Variants in TH observed in about 807,000 individuals in gnomAD.
TH encodes the protein tyrosine 3-monooxygenase.
In TH, 49 loss-of-function variants were observed where a neutral mutation model predicts 57.4. The ratio of observed to expected loss-of-function variants is 0.85; its 90% CI spans 0.68 to 1.08. The LOEUF (loss-of-function observed/expected upper bound fraction) is 1.08, where lower values mean the gene tolerates loss of function less well. Ranked by LOEUF, TH falls within the 50% of genes least tolerant of loss-of-function variation. The probability of loss-of-function intolerance (pLI) is 0.00; values close to 1 mark genes in which losing one functional copy is unlikely to be tolerated. For synonymous variants in TH, 330 were observed against 304.5 expected, an observed-to-expected ratio of 1.08 and a Z score of -0.87; for missense variants, 720 against 696.7, an observed-to-expected ratio of 1.03 and a Z score of -0.38.
rs1564917127 is a variant in TH at position 2,166,033 on chromosome 11, G to A, written c.1073C>T (p.Ala358Val). Reference protein sequence around the residue: ...SQDIGLASLGASDEEIEKLST... With the variant: ...SQDIGLASLGVSDEEIEKLST... ...CAGCTTCTCAATTTCCTCATCCGAG[G>A]CCCCCAGGGACGCCAGGCCAATGTC... The change falls in exon 10 of 13, where the codon GCC becomes GTC. Residue 358 changes from alanine (A) to valine (V), a missense_variant. By Grantham distance (64) the Ala-to-Val change is moderately conservative (BLOSUM62 0). Coordinates refer to ENST00000352909, the MANE Select transcript of TH (RefSeq NM_000360.4). 6.4e-7 allele frequency: 1 copy of A among 1,559,930 alleles called. No individual in the cohort carries two copies. The highest frequency in any genetic ancestry group is 8.7e-7 in the Non-Finnish European group (1 of 1,151,956).
At position 2,168,274 on chromosome 11, in the gene TH, G is replaced by A. The variant is rs554754499; in HGVS notation, c.488-95C>T. ...CAGCCTCCCCTACAAGACTTCCGGG[G>A]GGCAGAGGCAGCCGGGGCTGTGAGA... is the stretch of plus-strand genomic sequence containing the variant. On this transcript the variant is annotated intron_variant, in intron 3 of 12. Coordinates refer to ENST00000352909, the MANE Select transcript of TH (RefSeq NM_000360.4). 16 of 1,446,822 alleles carry A rather than the reference G, an allele frequency of 1.1e-5. No individual in the cohort carries two copies. The African/African-American group carries it at 1.8e-4, about 16-fold the overall frequency. 89.6% of individuals were successfully genotyped at this position (1,446,822 alleles called of 1,614,324 possible). A position where few individuals can be genotyped will look rare whatever the true frequency, so the allele number is the denominator to read the frequency against.
At chr11:2,165,960 C>G (rs1283322503) in intron 10 of TH, 42 bp downstream of exon 10, 1 of 1,551,124 alleles carries the variant, frequency 6.4e-7, no homozygotes, top group Non-Finnish European at 8.7e-7. Context: ...ATTCAGACCC[C>G]CAAACCCACA....
intron 3 of TH, 57 bp downstream of exon 3, chr11:2,168,434 T>G (rs992555230): frequency 6.2e-7 from 1 of 1,604,858 alleles, no homozygotes. Context: ...CAGGAGCCCC[T>G]GCACCCCAGC....
chr11:2,171,688 C>A lies in TH; in HGVS notation c.90+9G>T, dbSNP rs545162984. ...ACTGCGGCCGCCGGGCACCTACCTG[C>A]CCTCTTACCATGATGGCCTCTGCCT... On this transcript the variant is annotated intron_variant, in intron 1 of 12. Coordinates refer to ENST00000352909, the MANE Select transcript of TH (RefSeq NM_000360.4). The surrounding 1 kb of genome is among the most constrained non-coding windows in gnomAD (Gnocchi z 8.6). 1.2e-6 allele frequency: 2 copies of A among 1,611,454 alleles called. No homozygotes were observed. The highest frequency in any genetic ancestry group is 2.2e-5 in the South Asian group (2 of 91,050).
In TH at chr11:2,164,338, C is replaced by T. The variant is rs370029424; in HGVS notation, c.1389G>A (p.Thr463=). ...GGCTGTCCAGCACGTCGATGGCCAG[C>T]GTGTACGGGTCGAACTTCACGGAGA... The part of the protein sequence containing the change: ...RPFSVKFDPY[T]LAIDVLDSPQ... The change falls in exon 13 of 13, where the codon ACG becomes ACA. Residue 463 remains threonine, a synonymous_variant. Coordinates refer to ENST00000352909, the MANE Select transcript of TH (RefSeq NM_000360.4). The T allele has an allele frequency of 4.0e-5, 61 of 1,541,836 alleles. No homozygotes were observed. The highest frequency in any genetic ancestry group is 9.8e-5 in the African/African-American group (7 of 71,714).
At position 2,165,718 on chromosome 11, in the gene TH, C is replaced by A; in HGVS notation, c.1150G>T (p.Glu384Ter). 1 of 1,612,814 alleles carries A rather than the reference C, an allele frequency of 6.2e-7. No homozygotes were observed. Among genetic ancestry groups the A allele is most frequent in the Non-Finnish European group, 8.5e-7 (1 of 1,179,966 alleles). The change falls in exon 11 of 13, where the codon GAG becomes TAG. Residue 384 changes from glutamate (E) to a stop codon, truncating the protein, a stop_gained. Coordinates refer to ENST00000352909, the MANE Select transcript of TH (RefSeq NM_000360.4). LOFTEE classifies it high-confidence loss of function. ...VEFGLCKQNG[E>*]VKAYGAGLLS... ...AGCCCGGCACCATAGGCCTTCACCT[C>A]CCCGTTCTGCTTACACAGCCCGAAC... is the stretch of plus-strand genomic sequence containing the variant.
Position 2,165,910 on chromosome 11 carries a change from G to A in TH, c.1104+92C>T, listed in dbSNP as rs1303666677. The stretch of plus-strand genomic sequence containing the variant: ...TGAGGGTCACAATTCGTGGGTGGAA[G>A]GAGAGGCCTCAGCCTGGACGGCAAG... On this transcript the variant is annotated intron_variant, in intron 10 of 12. Transcript: ENST00000352909. 50 of 1,505,964 alleles carry A rather than the reference G, an allele frequency of 3.3e-5. No individual in the cohort carries two copies. In the Middle Eastern group the frequency reaches 5.0e-4, roughly 15 times the overall value. The allele number at this position is 1,505,964 out of a possible 1,614,324, so 93.3% of individuals were successfully genotyped here. A position where few individuals can be genotyped will look rare whatever the true frequency, so the allele number is the denominator to read the frequency against.
rs1396669179 is a variant in TH at position 2,170,092 on chromosome 11, T to C, written c.91-221A>G. Among the ~76,000 whole-genome samples, 3 of 151,950 alleles carry C rather than the reference T, an allele frequency of 2.0e-5. No homozygotes were observed. The highest frequency in any genetic ancestry group is 2.9e-5 in the Non-Finnish European group (2 of 67,948). On this transcript the variant is annotated intron_variant, in intron 1 of 12. Coordinates refer to ENST00000352909, the MANE Select transcript of TH (RefSeq NM_000360.4). The surrounding 1 kb of genome is among the most constrained non-coding windows in gnomAD (Gnocchi z 6.0). ...ATGGGGGCAGCCCAGTCAGAAGCAG[T>C]GGTGGTGGGGGAGGAGTGGGGGCTG...
At position 2,169,769 on chromosome 11, in the gene TH, C is replaced by G. The variant is rs780478399; in HGVS notation, c.193G>C (p.Gly65Arg). The G allele has an allele frequency of 1.2e-6, 2 of 1,611,928 alleles. No individual in the cohort carries two copies. The highest frequency in any genetic ancestry group is 1.1e-5 in the South Asian group (1 of 91,054). The stretch of plus-strand genomic sequence containing the variant: ...AAGGCCACAGCCTCCAGGGGGTCCC[C>G]GGGCTCCGAGGGGACTGCAGCGGCC... ...AAAAAVPSEPGDPLEAVAFEE... is the reference protein window; with the variant it reads ...AAAAAVPSEPRDPLEAVAFEE... Residue 65 changes from glycine to arginine, a missense_variant, in exon 2 of 13, where the codon GGG becomes CGG. Coordinates refer to ENST00000352909, the MANE Select transcript of TH (RefSeq NM_000360.4).
chr11:2,166,137 A>T (rs1430979803), intron 9 of TH, 79 bp from the exon 10 acceptor site: 1 of 1,464,472 alleles, frequency 6.8e-7, no homozygotes, highest in Non-Finnish European at 9.3e-7. Flanking sequence ...GGGTGTCAGC[A>T]GCCCCTCCAG....
At position 2,169,711 on chromosome 11, in the gene TH, A is replaced by G. The variant is rs777317911; in HGVS notation, c.251T>C (p.Leu84Pro). 6.2e-7 allele frequency: 1 copy of G among 1,613,284 alleles called. No homozygotes were observed. The part of the protein sequence containing the change: ...EEKEGKAVLN[L>P]LFSPRATKPS... ...CTTGGTGGCCCTCGGGGAGAAGAGC[A>G]GGTTTAGCACGGCCTTCCCCTCCTT... Residue 84 changes from leucine (L) to proline (P), a missense_variant, in exon 2 of 13, where the codon CTG (leucine) becomes CCG (proline). Transcript: ENST00000352909.
intron 7 of TH, 30 bp downstream of exon 7, chr11:2,166,857 C>A (rs754163484): frequency 6.3e-7 from 1 of 1,595,148 alleles, no homozygotes; most frequent in Non-Finnish European, 8.5e-7. Context: ...CCCGGCCCCC[C>A]GGCTCTGCGC....
At position 2,169,762 on chromosome 11, in the gene TH, G is replaced by C. The variant is rs752445432; in HGVS notation, c.200C>G (p.Pro67Arg). The C allele has an allele frequency of 5.0e-6, 8 of 1,612,152 alleles. No homozygotes were observed. The highest frequency in any genetic ancestry group is 5.9e-6 in the Non-Finnish European group (7 of 1,179,696). ...AAAVPSEPGDPLEAVAFEEKE... is the reference protein window; with the variant it reads ...AAAVPSEPGDRLEAVAFEEKE... ...CTCCTCAAAGGCCACAGCCTCCAGG[G>C]GGTCCCCGGGCTCCGAGGGGACTGC... Residue 67 changes from proline (P) to arginine (R), a missense_variant, in exon 2 of 13, where the codon CCC becomes CGC. By Grantham distance (103) the Pro-to-Arg change is moderately radical (BLOSUM62 -2). Transcript: ENST00000352909.
Position 2,169,765 on chromosome 11 carries a change from TC to T in TH, c.196del (p.Asp66ThrfsTer17). 2 of 1,611,514 alleles carry T rather than the reference TC, an allele frequency of 1.2e-6. No individual in the cohort carries two copies. The highest frequency in any genetic ancestry group is 1.7e-6 in the Non-Finnish European group (2 of 1,179,480). On this transcript the variant is annotated frameshift_variant, in exon 2 of 13. Transcript: ENST00000352909. LOFTEE classifies it high-confidence loss of function. ...AAAAVPSEPG[D>X]PLEAVAFEEK... ...CTCAAAGGCCACAGCCTCCAGGGGG[TC>T]CCCGGGCTCCGAGGGGACTGCAGCG... is the stretch of plus-strand genomic sequence containing the variant.
At position 2,168,091 on chromosome 11, in the gene TH, C is replaced by G. The variant is rs201809787; in HGVS notation, c.576G>C (p.Pro192=). The change falls in exon 4 of 13, where the codon CCG becomes CCC. Residue 192 remains proline (P), a splice_region_variant and synonymous_variant. Coordinates refer to ENST00000352909, the MANE Select transcript of TH (RefSeq NM_000360.4). ...KFDPDLDLDH[P]GFSDQVYRQR... is the part of the protein sequence containing the mutation. Reference sequence around the variant, plus strand: ...CCTGAGTGAGGGGCGCACCACTCACCGGGTGGTCCAAGTCCAGGTCAGGGT... The same window carrying G: ...CCTGAGTGAGGGGCGCACCACTCACGGGGTGGTCCAAGTCCAGGTCAGGGT... 1 of 1,612,940 alleles carries G rather than the reference C, an allele frequency of 6.2e-7. No individual in the cohort carries two copies. Among genetic ancestry groups the G allele is most frequent in the African/African-American group, 1.3e-5 (1 of 74,890 alleles).
In TH at chr11:2,165,213, C is replaced by T; in HGVS notation, c.1334+19G>A. 1 of 1,612,702 alleles carries T rather than the reference C, an allele frequency of 6.2e-7. No individual in the cohort carries two copies. Among genetic ancestry groups the T allele is most frequent in the Non-Finnish European group, 8.5e-7 (1 of 1,179,954 alleles). ...GTTTGGGGGCACCATGGGGGGCTTG[C>T]CCTAGCAGCCTAGCCCACCTGAGCT... is the stretch of plus-strand genomic sequence containing the variant. On this transcript the variant is annotated intron_variant, in intron 12 of 12. Transcript: ENST00000352909.
At chr11:2,169,897 C>T in intron 1 of TH, 26 bp from the exon 2 acceptor site, 1 of 1,597,666 alleles carries the variant, frequency 6.3e-7, no homozygotes, top group East Asian at 2.3e-5. Context: ...GCACCCATGC[C>T]TCCTCCACCT....
rs767310984 is a variant in TH at position 2,169,830 on chromosome 11, G to A, written c.132C>T (p.Asp44=). 2.9e-5 allele frequency: 46 copies of A among 1,610,762 alleles called. No homozygotes were observed. Among genetic ancestry groups the A allele is most frequent in the East Asian group, 2.7e-4 (12 of 44,856 alleles). ...FIGRRQSLIE[D]ARKEREAAVA... is the part of the protein sequence containing the mutation. ...CCGCCGCCTCCCGCTCCTTGCGGGC[G>A]TCCTCGATGAGGCTCTGCCTGCGCC... The change falls in exon 2 of 13, where the codon GAC becomes GAT. Residue 44 remains aspartate, a synonymous_variant. Transcript: ENST00000352909.
intron 9 of TH, 93 bp downstream of exon 9, chr11:2,166,387 C>CACACT: frequency 1.6e-5 from 24 of 1,462,296 alleles, no homozygotes; most frequent in Non-Finnish European, 2.2e-5. Flanking sequence ...GAGCAGGCAG[C>CACACT]ACACTTCACC....
Sources: gnomAD v4.1 joint callset for allele counts (sites outside exome capture counted in the v4.1 genomes callset) on GRCh38, gnomAD v4.1.1 for gene constraint, Gnocchi (gnomAD v3.1) non-coding constraint, MANE v1.5 for transcripts, NCBI Gene and HGNC (gene_info 2026-07-23, HGNC 2026-07-21) for gene names.